Variants in SNX29 observed in about 807,000 individuals in gnomAD.
SNX29 encodes the protein sorting nexin-29.
A neutral mutation model predicts 102.1 loss-of-function variants in SNX29; 78 were observed. That is an observed-to-expected ratio of 0.76 (90% CI 0.64 to 0.92). The LOEUF (loss-of-function observed/expected upper bound fraction) is 0.92. Ranked by LOEUF, SNX29 falls within the 40% of genes least tolerant of loss-of-function variation. SNX29 has a pLI of 0.00. For missense variants in SNX29, 1,280 were observed against 1,061.7 expected, an observed-to-expected ratio of 1.21 and a Z score of -2.86; for synonymous variants, 580 against 414.5, an observed-to-expected ratio of 1.40 and a Z score of -4.85.
At chr16:12,420,806 A>G (rs961034246) in intron 18 of SNX29, among the ~76,000 whole-genome samples, 2 of 152,214 alleles carry the variant, frequency 1.3e-5, no homozygotes, top group Non-Finnish European at 2.9e-5. Context: ...CTCATGCTTC[A>G]GGGTGAACAC....
intron 20 of SNX29, among the ~76,000 whole-genome samples, chr16:12,539,846 T>TAAGTGTCC (rs2077245524): frequency 6.6e-6 from 1 of 152,230 alleles, no homozygotes; most frequent in Admixed American, 6.5e-5. Context: ...GGGAAGTAAG[T>TAAGTGTCC]AAGTGTCCAA....
chr16:12,011,613 G>A (rs190752489), intron 3 of SNX29, among the ~76,000 whole-genome samples: 1 of 152,130 alleles, frequency 6.6e-6, no homozygotes, highest in Non-Finnish European at 1.5e-5. Flanking sequence ...ATTAATATTT[G>A]TCTTACTTAT....
intron 20 of SNX29, among the ~76,000 whole-genome samples, chr16:12,554,585 T>G (rs1202672381): frequency 4.6e-5 from 7 of 152,202 alleles, no homozygotes; most frequent in Non-Finnish European, 7.4e-5. Flanking sequence ...CACCAAGACT[T>G]GGAGCTCCCA....
intron 19 of SNX29, among the ~76,000 whole-genome samples, chr16:12,485,705 G>A (rs1234201638): frequency 1.3e-5 from 2 of 152,150 alleles, no homozygotes; most frequent in Non-Finnish European, 2.9e-5. Context: ...GGGCATTGAA[G>A]GCGAATTAAG....
At chr16:12,459,375 T>C (rs934378688) in intron 18 of SNX29, among the ~76,000 whole-genome samples, 11 of 151,914 alleles carry the variant, frequency 7.2e-5, no homozygotes, top group Admixed American at 5.2e-4. Flanking sequence ...CGGTGGTGCA[T>C]GCAGGACTTT....
At chr16:12,507,889 C>T (rs1175179478) in intron 19 of SNX29, among the ~76,000 whole-genome samples, 3 of 152,186 alleles carry the variant, frequency 2.0e-5, no homozygotes, top group Non-Finnish European at 2.9e-5. Flanking sequence ...ACCAGGCACA[C>T]GGTCAAGGCC....
chr16:12,151,353 A>G (rs993511753), intron 13 of SNX29, among the ~76,000 whole-genome samples: 3 of 152,206 alleles, frequency 2.0e-5, no homozygotes, highest in African/African-American at 7.2e-5. Context: ...TCTAAGTTCA[A>G]AGTTCCTTGA....
intron 20 of SNX29, among the ~76,000 whole-genome samples, chr16:12,533,517 C>T (rs564808184): frequency 7.2e-5 from 11 of 152,276 alleles, no homozygotes; most frequent in Admixed American, 2.6e-4. Context: ...GAGAGCAGCC[C>T]GTCAGCCACT....
At chr16:12,156,828 C>T (rs1457601036) in intron 13 of SNX29, among the ~76,000 whole-genome samples, 2 of 152,198 alleles carry the variant, frequency 1.3e-5, no homozygotes, top group African/African-American at 4.8e-5. Flanking sequence ...CCTCTGGGCA[C>T]TGAGTTTCCT....
Position 12,571,501 on chromosome 16 carries a change from A to C in SNX29, c.*2872A>C. The stretch of plus-strand genomic sequence containing the variant: ...ACTCAGAGAGGAACGAGGGTGGCCC[A>C]CCTCTCAAGGGCCTTGGATTCCTGG... On this transcript the variant is annotated 3_prime_UTR_variant, in exon 21 of 21. Transcript: ENST00000566228. 1 of 467,140 alleles carries C rather than the reference A, an allele frequency of 2.1e-6. No homozygotes were observed. Among genetic ancestry groups the C allele is most frequent in the Non-Finnish European group, 3.0e-6 (1 of 332,714 alleles). The allele number at this position is 467,140 out of a possible 1,614,324, so 28.9% of individuals were successfully genotyped here.
chr16:12,085,856 G>A (rs969336313), intron 11 of SNX29, among the ~76,000 whole-genome samples: 2 of 152,170 alleles, frequency 1.3e-5, no homozygotes, highest in African/African-American at 4.8e-5. Context: ...ATGAGGCTTA[G>A]GAGGGTAAGT....
In SNX29 at chr16:12,571,264, T is replaced by G. The variant is rs2079181673; in HGVS notation, c.*2635T>G. The G allele has an allele frequency of 4.3e-6, 1 of 231,954 alleles. No homozygotes were observed. The highest frequency in any genetic ancestry group is 2.2e-5 in the African/African-American group (1 of 45,262). The allele number at this position is 231,954 out of a possible 1,614,324, so 14.4% of individuals were successfully genotyped here. A position where few individuals can be genotyped will look rare whatever the true frequency, so the allele number is the denominator to read the frequency against. ...GCAGAAACACCCAGGCCTAGCAGAA[T>G]TGTGGCTGAAACCTGGTGCCCAAAT... is the stretch of plus-strand genomic sequence containing the variant. On this transcript the variant is annotated 3_prime_UTR_variant, in exon 21 of 21. Transcript: ENST00000566228.
intron 13 of SNX29, among the ~76,000 whole-genome samples, chr16:12,158,389 G>C (rs2055644594): frequency 6.6e-6 from 1 of 151,994 alleles, no homozygotes; most frequent in Admixed American, 6.6e-5. Flanking sequence ...TAGTAGAGAT[G>C]AGGGTTCACC....
At chr16:12,247,889 C>T (rs1192840342) in intron 14 of SNX29, among the ~76,000 whole-genome samples, 4 of 152,148 alleles carry the variant, frequency 2.6e-5, no homozygotes, top group Non-Finnish European at 5.9e-5. Context: ...TAACTTTTAT[C>T]CCAGAGAAAG....
chr16:11,998,221 C>T (rs1168606608), intron 1 of SNX29, among the ~76,000 whole-genome samples: 1 of 152,184 alleles, frequency 6.6e-6, no homozygotes, highest in East Asian at 1.9e-4. Flanking sequence ...CCCTTAGAAA[C>T]TGAATTTCAG....
intron 13 of SNX29, among the ~76,000 whole-genome samples, chr16:12,144,756 G>C (rs909938503): frequency 2.6e-5 from 4 of 152,226 alleles, no homozygotes; most frequent in Admixed American, 2.0e-4. Context: ...GAGTCTCGCT[G>C]TGTTACCCAG....
chr16:12,449,657 C>G (rs928250324), intron 18 of SNX29, among the ~76,000 whole-genome samples: 16 of 152,198 alleles, frequency 1.1e-4, no homozygotes, highest in African/African-American at 3.4e-4. Flanking sequence ...TTAGAAGTCA[C>G]AATCACTTCA....
At position 12,571,454 on chromosome 16, in the gene SNX29, G is replaced by C. The variant is rs1176185258; in HGVS notation, c.*2825G>C. ...ACTCGGAGATTTTCAAACAACATCT[G>C]AGAACAGAAGCCCCCTCCCCTACTC... On this transcript the variant is annotated 3_prime_UTR_variant, in exon 21 of 21. Transcript: ENST00000566228. The C allele has an allele frequency of 8.3e-6, 2 of 242,072 alleles. No individual in the cohort carries two copies. The highest frequency in any genetic ancestry group is 1.6e-5 in the Non-Finnish European group (2 of 126,878). The allele number at this position is 242,072 out of a possible 1,614,324, so 15.0% of individuals were successfully genotyped here.
intron 18 of SNX29, among the ~76,000 whole-genome samples, chr16:12,428,388 A>G (rs1398355856): frequency 1.3e-5 from 2 of 152,228 alleles, no homozygotes; most frequent in Non-Finnish European, 2.9e-5. Context: ...AGCTGGTAGT[A>G]GCCAGTTTCT....
Sources: allele counts gnomAD v4.1 joint callset (sites outside exome capture counted in the v4.1 genomes callset), GRCh38; gene constraint gnomAD v4.1.1; transcripts MANE v1.5; gene names NCBI Gene and HGNC (gene_info 2026-07-23, HGNC 2026-07-21).